Variants in CELF2 observed in about 807,000 individuals in gnomAD.
CELF2 encodes CUG triplet repeat RNA-binding protein 2.
CELF2 carries 8 observed loss-of-function variants against 62.6 expected under a neutral mutation model. The observed-to-expected ratio is 0.13, with a 90% confidence interval of 0.07 to 0.23. The LOEUF is 0.23. Among genes scored for constraint, CELF2 ranks in the 10% least tolerant of loss-of-function variants. CELF2 has a pLI of 1.00. For synonymous variants in CELF2, 258 were observed against 250.0 expected (o/e 1.03, Z -0.30); for missense variants, 333 against 671.0 (o/e 0.50, Z 5.56).
At chr10:11,103,095 G>A (rs2052235077) in intron 1 of CELF2, among the ~76,000 whole-genome samples, 1 of 152,102 alleles carries the variant, frequency 6.6e-6, no homozygotes, top group Non-Finnish European at 1.5e-5. Flanking sequence ...TCCTAAGGGT[G>A]CCTCACAATG....
rs193150007 is a variant in CELF2, at chr10:11,237,569, G to A, written c.355-11584G>A. 2.6e-5 allele frequency among the ~76,000 whole-genome samples: 4 copies of A among 152,342 alleles called. No homozygotes were observed. Among genetic ancestry groups the A allele is most frequent in the Admixed American group, 2.6e-4 (4 of 15,310 alleles). ...CCAGCACATGTACCAGGTCGTCAAG[G>A]GGAGCCCAGGTGCAAGGGCTGCTTC... On this transcript the variant is annotated intron_variant, in intron 3 of 12. Coordinates refer to ENST00000633077, the MANE Select transcript of CELF2 (RefSeq NM_001326342.2). The surrounding 1 kb of genome is among the most constrained non-coding windows in gnomAD (Gnocchi z 4.0).
the CELF2 span, among the ~76,000 whole-genome samples, chr10:10,737,746 G>A: frequency 2.0e-5 from 3 of 151,702 alleles, no homozygotes. Context: ...ACCTTGGCAG[G>A]TTCCCTGCCA....
intron 1 of CELF2, among the ~76,000 whole-genome samples, chr10:11,006,109 G>T (rs532551304): frequency 2.4e-4 from 36 of 152,282 alleles, no homozygotes; most frequent in African/African-American, 5.5e-4. Flanking sequence ...GATAGAATTG[G>T]CATCCTGCTT....
chr10:10,539,078 A>G, the CELF2 span, among the ~76,000 whole-genome samples: 1 of 152,242 alleles, frequency 6.6e-6, no homozygotes, highest in Admixed American at 6.5e-5. Flanking sequence ...CTGATCCACA[A>G]TCTAGTCTTC....
intron 1 of CELF2, among the ~76,000 whole-genome samples, chr10:11,164,665 T>TC (rs1488169569): frequency 7.9e-6 from 1 of 126,936 alleles, no homozygotes; most frequent in Non-Finnish European, 1.6e-5. Flanking sequence ...TGGGGCTGCT[T>TC]TTTTTTTTTT....
the CELF2 span, among the ~76,000 whole-genome samples, chr10:10,463,588 C>CT: frequency 6.6e-6 from 1 of 152,086 alleles, no homozygotes; most frequent in Non-Finnish European, 1.5e-5. Context: ...ATAGACATCT[C>CT]TTTTTTTGTA....
the CELF2 span, among the ~76,000 whole-genome samples, chr10:10,532,207 C>T: frequency 2.0e-5 from 3 of 152,216 alleles, no homozygotes; most frequent in East Asian, 3.9e-4. Flanking sequence ...ATTCATTTGA[C>T]GCTACTGTAA....
chr10:11,039,470 G>A lies in CELF2; in HGVS notation c.74+21307G>A, dbSNP rs984600189. On this transcript the variant is annotated intron_variant, in intron 1 of 12. Coordinates refer to ENST00000633077, the MANE Select transcript of CELF2 (RefSeq NM_001326342.2). This position sits in a 1 kb window ranked among gnomAD's most constrained non-coding sequence, Gnocchi z 4.1. ...TTAGGGTGGTGAGCTATGTAGTCAC[G>A]GTCACAGTGTGTACTCAAAGTACCT... Among the ~76,000 whole-genome samples, 3 of 152,282 alleles carry A rather than the reference G, an allele frequency of 2.0e-5. No homozygotes were observed. The highest frequency in any genetic ancestry group is 4.4e-5 in the Non-Finnish European group (3 of 68,020).
chr10:11,257,081 G>A (rs1243772621), intron 4 of CELF2, among the ~76,000 whole-genome samples: 3 of 151,928 alleles, frequency 2.0e-5, no homozygotes, highest in Non-Finnish European at 2.9e-5. Context: ...AACCAGGTGC[G>A]GGACCTGGTT....
chr10:11,189,218 CA>C (rs1181686616), intron 2 of CELF2, among the ~76,000 whole-genome samples: 1 of 152,162 alleles, frequency 6.6e-6, no homozygotes, highest in Non-Finnish European at 1.5e-5. Flanking sequence ...GTAGTTTCTT[CA>C]CTCATGTGCA....
chr10:10,746,896 C>A, the CELF2 span, among the ~76,000 whole-genome samples: 2 of 152,194 alleles, frequency 1.3e-5, no homozygotes, highest in Non-Finnish European at 2.9e-5. Context: ...TCCAAAGCAT[C>A]ACCTTTGCTG....
At chr10:10,879,890 A>G (rs1032702225) in intron 1 of CELF2, among the ~76,000 whole-genome samples, 2 of 152,196 alleles carry the variant, frequency 1.3e-5, no homozygotes, top group African/African-American at 4.8e-5. Context: ...GTCTGACAGT[A>G]ATGGCATCAC....
At chr10:10,961,338 T>C (rs2049475164) in intron 2 of CELF2, among the ~76,000 whole-genome samples, 1 of 152,218 alleles carries the variant, frequency 6.6e-6, no homozygotes, top group South Asian at 2.1e-4. Context: ...TAAAAATGTA[T>C]TGTGAAATGT....
In CELF2 at chr10:11,315,190, C is replaced by T. The variant is rs2094863693; in HGVS notation, c.1096+932C>T. On this transcript the variant is annotated intron_variant, in intron 10 of 12. Transcript: ENST00000633077. This position sits in a 1 kb window ranked among gnomAD's most constrained non-coding sequence, Gnocchi z 5.8. ...GCGGGGACATGTAATTTCCCTGTCC[C>T]TCCGTTTCAGATCCCCTGGTTGCCT... 6.6e-6 allele frequency among the ~76,000 whole-genome samples: 1 copy of T among 152,132 alleles called. No individual in the cohort carries two copies. The highest frequency in any genetic ancestry group is 6.5e-5 in the Admixed American group (1 of 15,268).
intron 8 of CELF2, among the ~76,000 whole-genome samples, chr10:11,278,348 A>G (rs2086906960): frequency 6.6e-6 from 1 of 152,136 alleles, no homozygotes; most frequent in Admixed American, 6.5e-5. Flanking sequence ...TTTTATATCT[A>G]CTTTTTGTGC....
At chr10:10,643,369 T>G in the CELF2 span, among the ~76,000 whole-genome samples, 1 of 152,144 alleles carries the variant, frequency 6.6e-6, no homozygotes, top group African/African-American at 2.4e-5. Flanking sequence ...CGAGATCTGA[T>G]GGTTCTATAA....
At chr10:10,898,767 T>C (rs1334931102) in intron 1 of CELF2, among the ~76,000 whole-genome samples, 1 of 152,186 alleles carries the variant, frequency 6.6e-6, no homozygotes, top group Non-Finnish European at 1.5e-5. Flanking sequence ...CAACCTGACC[T>C]AATTGACATT....
chr10:10,817,422 TCTGA>T (rs1359206893), intron 1 of CELF2, among the ~76,000 whole-genome samples: 5 of 152,172 alleles, frequency 3.3e-5, no homozygotes, highest in Non-Finnish European at 7.3e-5. Flanking sequence ...ATTCATTCTT[TCTGA>T]CTATTTTTTG....
chr10:11,247,364 C>T lies in CELF2; in HGVS notation c.355-1789C>T, dbSNP rs560830878. ...CACCCTTCCACTTCCTGGGTCACTGCGGGGCTGCCCCGTGAGTTTCACATG... is the reference window on the plus strand; with the variant it reads ...CACCCTTCCACTTCCTGGGTCACTGTGGGGCTGCCCCGTGAGTTTCACATG... On this transcript the variant is annotated intron_variant, in intron 3 of 12. Coordinates refer to ENST00000633077, the MANE Select transcript of CELF2 (RefSeq NM_001326342.2). The surrounding 1 kb of genome is among the most constrained non-coding windows in gnomAD (Gnocchi z 5.4). 1.5e-4 allele frequency among the ~76,000 whole-genome samples: 23 copies of T among 152,340 alleles called. No individual in the cohort carries two copies. The highest frequency in any genetic ancestry group is 4.8e-4 in the African/African-American group (20 of 41,582).
Sources: gnomAD v4.1 joint callset for allele counts (sites outside exome capture counted in the v4.1 genomes callset) on GRCh38, gnomAD v4.1.1 for gene constraint, Gnocchi (gnomAD v3.1) non-coding constraint, MANE v1.5 for transcripts, NCBI Gene and HGNC (gene_info 2026-07-23, HGNC 2026-07-21) for gene names.